SCN7A: variants seen among roughly 807,000 people sequenced by gnomAD.
SCN7A encodes sodium channel protein type 7 subunit alpha.
SCN7A carries 138 observed loss-of-function variants against 155.2 expected under a neutral mutation model. The observed-to-expected ratio is 0.89, with a 90% CI of 0.77 to 1.02. The LOEUF (loss-of-function observed/expected upper bound fraction) is 1.02, where lower values mean the gene tolerates loss of function less well. Ranked by LOEUF, SCN7A falls within the 50% of genes least tolerant of loss-of-function variation. The pLI is 0.00. For synonymous variants in SCN7A, 693 were observed against 649.0 expected (o/e 1.07, Z -1.03); for missense variants, 2,058 against 1,986.6 (o/e 1.04, Z -0.68).
At chr2:166,462,229 G>A (rs1460675903) in intron 10 of SCN7A, 160 bp downstream of exon 10, 4 of 703,772 alleles carry the variant, frequency 5.7e-6, no homozygotes, top group Non-Finnish European at 9.0e-6. Context: ...AATGTGGCCA[G>A]CATATAATTT....
chr2:166,412,967 G>A, intron 22 of SCN7A, 101 bp downstream of exon 22: 1 of 928,736 alleles, frequency 1.1e-6, no homozygotes, highest in Non-Finnish European at 1.6e-6. Context: ...AATCTGAACT[G>A]CATTTGATTT....
At chr2:166,468,534 T>G (rs1043248971) in intron 7 of SCN7A, among the ~76,000 whole-genome samples, 3 of 152,062 alleles carry the variant, frequency 2.0e-5, no homozygotes, top group Non-Finnish European at 4.4e-5. Context: ...GTCCATGTGG[T>G]AACTTCTGAT....
At chr2:166,445,278 T>G (rs1702038412) in intron 12 of SCN7A, among the ~76,000 whole-genome samples, 1 of 148,622 alleles carries the variant, frequency 6.7e-6, no homozygotes, top group Non-Finnish European at 1.5e-5. Flanking sequence ...ATTGTGCCAC[T>G]GCACTCCAGC....
chr2:166,473,002 G>T (rs1344505743), intron 5 of SCN7A, among the ~76,000 whole-genome samples: 1 of 151,696 alleles, frequency 6.6e-6, no homozygotes, highest in Non-Finnish European at 1.5e-5. Context: ...GGGAGCAACA[G>T]ACACTGGGGC....
intron 6 of SCN7A, among the ~76,000 whole-genome samples, chr2:166,471,407 TGTAA>T (rs1325790300): frequency 1.3e-5 from 2 of 151,888 alleles, no homozygotes; most frequent in Non-Finnish European, 2.9e-5. Flanking sequence ...GGAAGGGCTC[TGTAA>T]GTGTTAGCTA....
At chr2:166,447,772 G>T in intron 11 of SCN7A, 64 bp from the exon 12 acceptor site, 1 of 1,139,278 alleles carries the variant, frequency 8.8e-7, no homozygotes, top group Non-Finnish European at 1.3e-6. Flanking sequence ...ACTATAAGAA[G>T]GTGCACAGCC....
At chr2:166,416,620 A>G in intron 21 of SCN7A, 87 bp downstream of exon 21, 1 of 1,148,380 alleles carries the variant, frequency 8.7e-7, no homozygotes, top group Non-Finnish European at 1.2e-6. Flanking sequence ...AACCAAATGT[A>G]TTAATCGCCC....
Position 166,409,984 on chromosome 2 carries a change from T to C in SCN7A, c.3712-49A>G, listed in dbSNP as rs766141604. 6.3e-6 allele frequency: 9 copies of C among 1,425,190 alleles called. No homozygotes were observed. In the South Asian group the frequency reaches 1.2e-4, roughly 18 times the overall value. The allele number at this position is 1,425,190 out of a possible 1,614,324, so 88.3% of individuals were successfully genotyped here. On this transcript the variant is annotated intron_variant, in intron 24 of 25. Coordinates refer to ENST00000643258, the MANE Select transcript of SCN7A (RefSeq NM_002976.4). ...AATAGTCTTATTAATAGGATACATA[T>C]ACATATATATGGTCTTTTATACACT...
intron 3 of SCN7A, among the ~76,000 whole-genome samples, chr2:166,476,725 T>C (rs1462207180): frequency 6.6e-6 from 1 of 152,028 alleles, no homozygotes; most frequent in African/African-American, 2.4e-5. Context: ...ATCTCGTAAC[T>C]TGCAACAGCT....
chr2:166,444,734 T>C, intron 13 of SCN7A, 28 bp downstream of exon 13: 1 of 1,279,862 alleles, frequency 7.8e-7, no homozygotes, highest in African/African-American at 1.5e-5. Flanking sequence ...AAACTGCAAA[T>C]GAAAATAATG....
chr2:166,467,630 T>G (rs1350207263), intron 7 of SCN7A, among the ~76,000 whole-genome samples: 1 of 151,524 alleles, frequency 6.6e-6, no homozygotes, highest in Admixed American at 6.6e-5. Context: ...TTTATAAAAT[T>G]AAGTTTGTTA....
intron 9 of SCN7A, 27 bp from the exon 10 acceptor site, chr2:166,462,557 C>T: frequency 1.2e-6 from 2 of 1,608,304 alleles, no homozygotes; most frequent in Non-Finnish European, 1.7e-6. Flanking sequence ...AAAAAACCTG[C>T]TTACTATTAG....
intron 20 of SCN7A, among the ~76,000 whole-genome samples, chr2:166,417,800 C>T (rs939600036): frequency 1.3e-5 from 2 of 151,506 alleles, no homozygotes; most frequent in Non-Finnish European, 1.5e-5. Context: ...GAAGAGATTG[C>T]TTCAGGAAAT....
intron 7 of SCN7A, 31 bp downstream of exon 7, chr2:166,470,584 T>C (rs1343301209): frequency 5.1e-6 from 8 of 1,558,134 alleles, no homozygotes; most frequent in South Asian, 4.6e-5. Context: ...TAAAACAAAA[T>C]GAAGAAAAGA....
In SCN7A at chr2:166,417,032, G is replaced by A. The variant is rs1278775354; in HGVS notation, c.3136-47C>T. On this transcript the variant is annotated intron_variant, in intron 20 of 25. Transcript: ENST00000643258. ...AACTTTAGATAGGAAATCTGAAACT[G>A]TTTTAGTTTTTGATCAGTTTGAAAA... 2.8e-6 allele frequency: 4 copies of A among 1,405,638 alleles called. No homozygotes were observed. The South Asian group carries it at 4.3e-5, about 15-fold the overall frequency. The allele number at this position is 1,405,638 out of a possible 1,614,324, so 87.1% of individuals were successfully genotyped here. A position where few individuals can be genotyped will look rare whatever the true frequency, so the allele number is the denominator to read the frequency against.
chr2:166,491,094 C>A (rs980468856), intron 1 of SCN7A, among the ~76,000 whole-genome samples: 4 of 152,174 alleles, frequency 2.6e-5, no homozygotes, highest in African/African-American at 9.7e-5. Flanking sequence ...GAAGCCTCAC[C>A]TTAGCATTTA....
intron 5 of SCN7A, 149 bp downstream of exon 5, chr2:166,473,650 G>A: frequency 4.4e-6 from 1 of 227,792 alleles, no homozygotes; most frequent in Non-Finnish European, 8.7e-6. Flanking sequence ...GTGAAGCACT[G>A]AAATATTATC....
At chr2:166,424,190 G>T (rs1701572522) in intron 18 of SCN7A, among the ~76,000 whole-genome samples, 1 of 151,942 alleles carries the variant, frequency 6.6e-6, no homozygotes, top group Non-Finnish European at 1.5e-5. Context: ...ACTTTTAATT[G>T]AACAAATTAC....
chr2:166,443,518 A>G lies in SCN7A; in HGVS notation c.1785T>C (p.Leu595=). The G allele has an allele frequency of 6.3e-7, 1 of 1,594,412 alleles. No homozygotes were observed. The highest frequency in any genetic ancestry group is 8.5e-7 in the Non-Finnish European group (1 of 1,170,920). Residue 595 remains leucine (L), a synonymous_variant, in exon 14 of 26, where the codon CTT becomes CTC. Transcript: ENST00000643258. ...CLANVAGMAL[L]RLFRMLRIFK... The stretch of plus-strand genomic sequence containing the variant: ...TTCTACTTACCATCCTGAATAATCG[A>G]AGAAGAGCCATTCCTGCAACATTTG...
Sources: allele counts gnomAD v4.1 joint callset (sites outside exome capture counted in the v4.1 genomes callset), GRCh38; gene constraint gnomAD v4.1.1; transcripts MANE v1.5; gene names NCBI Gene and HGNC (gene_info 2026-07-23, HGNC 2026-07-21).